The following NALF1 variants were observed in gnomAD, a reference collection of about 807,000 sequenced individuals.
NALF1 encodes NALCN channel auxiliary factor 1, also known as family with sequence similarity 155 member A.
NALF1 carries 3 observed loss-of-function variants against 48.4 expected under a neutral mutation model. The observed-to-expected ratio is 0.06, with a 90% CI of 0.03 to 0.16. The LOEUF is 0.16. Ranked by LOEUF, NALF1 falls within the 10% of genes least tolerant of loss-of-function variation. The pLI, the probability that NALF1 is intolerant of heterozygous loss-of-function variation, is 1.00. For synonymous variants in NALF1, 262 were observed against 245.7 expected (o/e 1.07, Z -0.62); for missense variants, 526 against 571.5 (o/e 0.92, Z 0.81).
chr13:107,372,694 G>C (rs1399713502), intron 1 of NALF1, among the ~76,000 whole-genome samples: 2 of 152,124 alleles, frequency 1.3e-5, no homozygotes, highest in African/African-American at 2.4e-5. Flanking sequence ...AAAACATTTG[G>C]TGATAGATCA....
At chr13:107,235,869 T>A (rs774752989) in intron 1 of NALF1, among the ~76,000 whole-genome samples, 4 of 152,318 alleles carry the variant, frequency 2.6e-5, no homozygotes, top group Non-Finnish European at 4.4e-5. Context: ...CATTAGTGTT[T>A]AGTGTGGGTT....
At chr13:107,666,257 G>C (rs555985575) in intron 1 of NALF1, among the ~76,000 whole-genome samples, 13 of 152,144 alleles carry the variant, frequency 8.5e-5, no homozygotes, top group African/African-American at 3.1e-4. Context: ...AAAATGTCTT[G>C]AGCATGCCAA....
At position 107,163,827 on chromosome 13, in the gene NALF1, G is replaced by A. The variant is rs1878606556; in HGVS notation, c.*6670C>T. 1 of 152,008 alleles carries A rather than the reference G, an allele frequency of 6.6e-6. No homozygotes were observed. The highest frequency in any genetic ancestry group is 2.4e-5 in the African/African-American group (1 of 41,378). The allele number at this position is 152,008 out of a possible 1,614,324, so 9.4% of individuals were successfully genotyped here. A position where few individuals can be genotyped will look rare whatever the true frequency, so the allele number is the denominator to read the frequency against. On this transcript the variant is annotated 3_prime_UTR_variant, in exon 3 of 3. Transcript: ENST00000375915. ...TAAGGAAAATTAAGTGCAAACATGA[G>A]AATGCTTATCATGATATGAAAATAA... is the stretch of plus-strand genomic sequence containing the variant.
At chr13:107,549,634 A>AT (rs1159351756) in intron 1 of NALF1, among the ~76,000 whole-genome samples, 1 of 152,130 alleles carries the variant, frequency 6.6e-6, no homozygotes, top group Non-Finnish European at 1.5e-5. Flanking sequence ...GTGTATACAT[A>AT]TTTTTTGTAT....
At chr13:107,741,476 T>C (rs910365269) in intron 1 of NALF1, among the ~76,000 whole-genome samples, 3 of 152,080 alleles carry the variant, frequency 2.0e-5, no homozygotes, top group Admixed American at 6.6e-5. Context: ...CCATTCACTA[T>C]CGTATGTAGG....
At chr13:107,660,621 T>C (rs1242137082) in intron 1 of NALF1, among the ~76,000 whole-genome samples, 1 of 152,156 alleles carries the variant, frequency 6.6e-6, no homozygotes, top group African/African-American at 2.4e-5. Context: ...AATCTACAGT[T>C]AAAAAGCATG....
chr13:107,344,343 A>G (rs1375181464), intron 1 of NALF1, among the ~76,000 whole-genome samples: 2 of 152,154 alleles, frequency 1.3e-5, no homozygotes, highest in Non-Finnish European at 2.9e-5. Flanking sequence ...TTATGAGTCC[A>G]TCATTACTCT....
chr13:107,575,363 C>T (rs1483787994), intron 1 of NALF1, among the ~76,000 whole-genome samples: 2 of 152,150 alleles, frequency 1.3e-5, no homozygotes, highest in Admixed American at 1.3e-4. Context: ...CAAAGTCAAT[C>T]TGGTCAAAGA....
At chr13:107,255,161 TAGAC>T (rs1880788119) in intron 1 of NALF1, among the ~76,000 whole-genome samples, 1 of 152,188 alleles carries the variant, frequency 6.6e-6, no homozygotes, top group South Asian at 2.1e-4. Flanking sequence ...GCAGGACAGA[TAGAC>T]AGCTCTCTCA....
At chr13:107,475,721 T>A (rs563411662) in intron 1 of NALF1, among the ~76,000 whole-genome samples, 5 of 152,288 alleles carry the variant, frequency 3.3e-5, no homozygotes, top group African/African-American at 1.2e-4. Flanking sequence ...ACTAAAGAAA[T>A]TCTCAGGGAA....
At chr13:107,703,846 ATGG>A (rs1881884165) in intron 1 of NALF1, among the ~76,000 whole-genome samples, 1 of 152,038 alleles carries the variant, frequency 6.6e-6, no homozygotes, top group East Asian at 1.9e-4. Flanking sequence ...ATTTTCTTTC[ATGG>A]TTTACTCCAT....
chr13:107,509,980 A>G (rs1360605419), intron 1 of NALF1, among the ~76,000 whole-genome samples: 2 of 151,910 alleles, frequency 1.3e-5, no homozygotes, highest in Non-Finnish European at 2.9e-5. Context: ...CTAATTTTTC[A>G]TGTACTTCAT....
At chr13:107,716,756 G>A (rs1487153832) in intron 1 of NALF1, among the ~76,000 whole-genome samples, 1 of 152,184 alleles carries the variant, frequency 6.6e-6, no homozygotes, top group Non-Finnish European at 1.5e-5. Context: ...TCCCTGGAGA[G>A]TGTCATAAAT....
intron 1 of NALF1, among the ~76,000 whole-genome samples, chr13:107,361,004 T>C (rs963983479): frequency 4.6e-5 from 7 of 152,136 alleles, no homozygotes; most frequent in African/African-American, 1.4e-4. Context: ...TTCCTGTAGG[T>C]TTGTAGTTAA....
intron 1 of NALF1, among the ~76,000 whole-genome samples, chr13:107,432,172 C>T (rs150991083): frequency 9.9e-5 from 15 of 152,172 alleles, no homozygotes; most frequent in East Asian, 5.8e-4. Flanking sequence ...TGGCAGGAGC[C>T]GGAGCAACAG....
intron 1 of NALF1, among the ~76,000 whole-genome samples, chr13:107,782,126 G>A (rs1877908839): frequency 6.6e-6 from 1 of 152,172 alleles, no homozygotes; most frequent in African/African-American, 2.4e-5. Flanking sequence ...CTGTACTGCC[G>A]CCATCTCGGC....
intron 1 of NALF1, among the ~76,000 whole-genome samples, chr13:107,468,573 A>T (rs532467113): frequency 1.2e-4 from 19 of 152,356 alleles, no homozygotes; most frequent in Admixed American, 2.6e-4. Flanking sequence ...ATAGTAAGTA[A>T]ATCAATTTCT....
chr13:107,690,653 A>G (rs1227205913), intron 1 of NALF1, among the ~76,000 whole-genome samples: 1 of 152,184 alleles, frequency 6.6e-6, no homozygotes, highest in Non-Finnish European at 1.5e-5. Flanking sequence ...TATCTTTTAG[A>G]CTAGTTTACT....
intron 1 of NALF1, among the ~76,000 whole-genome samples, chr13:107,517,315 A>T: frequency 6.6e-6 from 1 of 151,892 alleles, no homozygotes; most frequent in South Asian, 2.1e-4. Context: ...TTACTCCCCC[A>T]TGTTACTGGG....
Sources: allele counts gnomAD v4.1 joint callset (sites outside exome capture counted in the v4.1 genomes callset), GRCh38; gene constraint gnomAD v4.1.1; transcripts MANE v1.5; gene names NCBI Gene and HGNC (gene_info 2026-07-23, HGNC 2026-07-21).